The following SYNCRIP variants were observed in gnomAD, a reference collection of about 807,000 sequenced individuals.
SYNCRIP encodes synaptotagmin binding cytoplasmic RNA interacting protein.
A neutral mutation model predicts 68.9 loss-of-function variants in SYNCRIP; 9 were observed. The ratio of observed to expected loss-of-function variants is 0.13; its 90% confidence interval spans 0.08 to 0.23. SYNCRIP has a LOEUF of 0.23. SYNCRIP is among the 10% of genes least tolerant of loss of function. The probability of loss-of-function intolerance (pLI) is 1.00; values close to 1 mark genes in which losing one functional copy is unlikely to be tolerated. For missense variants in SYNCRIP, 414 were observed against 770.6 expected, an observed-to-expected ratio of 0.54 and a Z score of 5.48; for synonymous variants, 258 against 254.0, an observed-to-expected ratio of 1.02 and a Z score of -0.15.
intron 6 of SYNCRIP, among the ~76,000 whole-genome samples, chr6:85,630,342 C>A (rs1475865355): frequency 6.6e-6 from 1 of 152,210 alleles, no homozygotes; most frequent in Non-Finnish European, 1.5e-5. Flanking sequence ...GCCTGGGCAA[C>A]AGAGCGAGAC....
chr6:85,640,680 T>C (rs1469730711), intron 2 of SYNCRIP, 116 bp from the exon 3 acceptor site: 2 of 544,622 alleles, frequency 3.7e-6, no homozygotes, highest in South Asian at 3.6e-5. Flanking sequence ...TCCCCTCATC[T>C]ATACCTGAAA....
At chr6:85,609,298 G>C (rs932546520), downstream of SYNCRIP, 4 of 151,818 alleles carry the variant, frequency 2.6e-5, no homozygotes, top group African/African-American at 9.7e-5. Context: ...GGGATCTTTT[G>C]CTGTTTCTGA....
chr6:85,622,248 G>A (rs1364497946), intron 8 of SYNCRIP, among the ~76,000 whole-genome samples: 1 of 152,016 alleles, frequency 6.6e-6, no homozygotes, highest in Non-Finnish European at 1.5e-5. Context: ...GGTGGTGGGA[G>A]CCTGTAATTC....
chr6:85,639,598 C>T (rs1460376557), intron 4 of SYNCRIP, among the ~76,000 whole-genome samples: 1 of 152,142 alleles, frequency 6.6e-6, no homozygotes, highest in Non-Finnish European at 1.5e-5. Context: ...ACAAAGCACA[C>T]CAGGTTAAAA....
At chr6:85,617,783 A>G (rs528164686) in intron 10 of SYNCRIP, among the ~76,000 whole-genome samples, 2 of 152,360 alleles carry the variant, frequency 1.3e-5, no homozygotes, top group South Asian at 4.1e-4. Context: ...AAACAGGGCA[A>G]TCAACAGAAA....
chr6:85,642,076 C>A (rs1453314987), intron 1 of SYNCRIP, among the ~76,000 whole-genome samples: 1 of 152,224 alleles, frequency 6.6e-6, no homozygotes, highest in Non-Finnish European at 1.5e-5. Flanking sequence ...CCCAACGAAT[C>A]CCAAACCAAG....
At chr6:85,639,063 C>T (rs566588673) in intron 4 of SYNCRIP, among the ~76,000 whole-genome samples, 1 of 152,130 alleles carries the variant, frequency 6.6e-6, no homozygotes, top group Non-Finnish European at 1.5e-5. Context: ...CAAAAATCAG[C>T]TGGGCCTGGT....
intron 6 of SYNCRIP, 77 bp from the exon 7 acceptor site, chr6:85,624,189 A>T: frequency 1.4e-6 from 2 of 1,407,546 alleles, no homozygotes; most frequent in Non-Finnish European, 2.0e-6. Flanking sequence ...GATACACAAG[A>T]GCAAATCATC....
chr6:85,639,731 C>T (rs750086319), intron 4 of SYNCRIP, among the ~76,000 whole-genome samples: 1 of 152,136 alleles, frequency 6.6e-6, no homozygotes, highest in Non-Finnish European at 1.5e-5. Context: ...CTCCTCCTAG[C>T]CTCAGTTTCT....
At chr6:85,639,481 A>C (rs1393605517) in intron 4 of SYNCRIP, among the ~76,000 whole-genome samples, 1 of 152,160 alleles carries the variant, frequency 6.6e-6, no homozygotes, top group Non-Finnish European at 1.5e-5. Flanking sequence ...AACCTTTTCC[A>C]TATTCTAGGC....
At chr6:85,613,689 TTAGG>T (rs1348185286), downstream of SYNCRIP, among the ~76,000 whole-genome samples, 8 of 152,360 alleles carry the variant, frequency 5.3e-5, no homozygotes, top group East Asian at 1.5e-3. Context: ...TTATTTTTAA[TTAGG>T]TAAGTACAGT....
chr6:85,609,057 GTATT>G (rs1805043730), downstream of SYNCRIP: 1 of 151,468 alleles, frequency 6.6e-6, no homozygotes, highest in Admixed American at 6.6e-5. Context: ...TTTCTTTTAT[GTATT>G]TGTCACTTAA....
intron 8 of SYNCRIP, 78 bp from the exon 9 acceptor site, chr6:85,619,495 G>T: frequency 1.6e-6 from 2 of 1,280,640 alleles, no homozygotes; most frequent in Non-Finnish European, 2.1e-6. Context: ...ACCCTACAAA[G>T]TTAACTCAAA....
Position 85,615,120 on chromosome 6 carries a change from G to C in SYNCRIP, c.1508C>G (p.Ala503Gly). The part of the protein sequence containing the change: ...VGARGRGGRG[A>G]RGAAPSRGRG... Reference sequence around the variant, plus strand: ...ACCTCTGGATGGAGCAGCACCCCTTGCTCCTCTACCACCCCTTCCTCTAGC... The same window carrying C: ...ACCTCTGGATGGAGCAGCACCCCTTCCTCCTCTACCACCCCTTCCTCTAGC... Residue 503 changes from alanine to glycine, a missense_variant, in exon 11 of 11, where the codon GCA becomes GGA. This residue lies in a region of SYNCRIP where 72 missense variants were observed against 119.8 expected (regional missense o/e 0.60). Coordinates refer to ENST00000369622, the MANE Select transcript of SYNCRIP (RefSeq NM_006372.5). The C allele has an allele frequency of 1.4e-5, 23 of 1,613,942 alleles. No individual in the cohort carries two copies. Among genetic ancestry groups the C allele is most frequent in the Non-Finnish European group, 1.9e-5 (23 of 1,180,008 alleles).
intron 4 of SYNCRIP, among the ~76,000 whole-genome samples, chr6:85,639,705 C>T (rs910394794): frequency 6.6e-6 from 1 of 151,880 alleles, no homozygotes; most frequent in African/African-American, 2.4e-5. Flanking sequence ...TGATTTTAAA[C>T]CAAAAAAAAA....
chr6:85,631,883 G>A (rs1807838467), intron 6 of SYNCRIP, among the ~76,000 whole-genome samples: 1 of 152,184 alleles, frequency 6.6e-6, no homozygotes. Context: ...TGAATTTAAA[G>A]GTGATAACGT....
At chr6:85,616,917 A>G (rs1006392005) in intron 10 of SYNCRIP, among the ~76,000 whole-genome samples, 10 of 152,186 alleles carry the variant, frequency 6.6e-5, no homozygotes, top group African/African-American at 4.8e-5. Flanking sequence ...GATGCTGCTA[A>G]AAGTCCTACA....
chr6:85,621,914 G>A (rs996538338), intron 8 of SYNCRIP, among the ~76,000 whole-genome samples: 3 of 152,196 alleles, frequency 2.0e-5, no homozygotes, highest in African/African-American at 7.2e-5. Context: ...TCTACAGCAT[G>A]TAGGCGACTT....
chr6:85,627,202 G>GA (rs1807152760), intron 6 of SYNCRIP, among the ~76,000 whole-genome samples: 1 of 151,068 alleles, frequency 6.6e-6, no homozygotes, highest in Non-Finnish European at 1.5e-5. Flanking sequence ...TGGGCGGCAG[G>GA]GGTTGCAGTG....
Sources: allele counts gnomAD v4.1 joint callset (sites outside exome capture counted in the v4.1 genomes callset), GRCh38; gene constraint gnomAD v4.1.1; regional missense constraint gnomAD v4.1.1; transcripts MANE v1.5; gene names NCBI Gene and HGNC (gene_info 2026-07-23, HGNC 2026-07-21).